The following IBTK variants were observed in gnomAD, a reference collection of about 807,000 sequenced individuals.
The protein encoded by IBTK is BTK-binding protein.
A neutral mutation model predicts 154.9 loss-of-function variants in IBTK; 83 were observed. That is an observed-to-expected ratio of 0.54 (90% CI 0.45 to 0.64). The LOEUF is 0.64. Among genes scored for constraint, IBTK ranks in the 30% least tolerant of loss-of-function variants. The probability of loss-of-function intolerance (pLI) is 0.00; values close to 1 mark genes in which losing one functional copy is unlikely to be tolerated. For synonymous variants in IBTK, 515 were observed against 536.1 expected, an observed-to-expected ratio of 0.96 and a Z score of 0.54; for missense variants, 1,332 against 1,584.6, an observed-to-expected ratio of 0.84 and a Z score of 2.71.
chr6:82,215,109 A>T (rs1182419915), intron 11 of IBTK, among the ~76,000 whole-genome samples: 1 of 152,088 alleles, frequency 6.6e-6, no homozygotes, highest in African/African-American at 2.4e-5. Context: ...GTACTGTGGG[A>T]ATGCAATTAC....
intron 1 of IBTK, among the ~76,000 whole-genome samples, chr6:82,244,433 T>C (rs1582267575): frequency 6.6e-6 from 1 of 152,206 alleles, no homozygotes; most frequent in African/African-American, 2.4e-5. Context: ...CTAAAAGAGA[T>C]CCAGGAAGGG....
intron 8 of IBTK, among the ~76,000 whole-genome samples, chr6:82,221,888 G>C (rs1198367025): frequency 6.6e-6 from 1 of 152,146 alleles, no homozygotes. Flanking sequence ...CTTTCTGCCA[G>C]GTGCAGTGGC....
intron 1 of IBTK, among the ~76,000 whole-genome samples, chr6:82,243,083 T>C (rs1159091784): frequency 6.6e-6 from 1 of 151,158 alleles, no homozygotes; most frequent in African/African-American, 2.4e-5. Context: ...CTACTAAAAA[T>C]ACAAAAAATT....
At position 82,223,554 on chromosome 6, in the gene IBTK, T is replaced by C. The variant is rs375960338; in HGVS notation, c.1010A>G (p.His337Arg). Reference sequence around the variant, plus strand: ...AACCAAAGACAGAGCAATGTCTTTATGGTGAAGGGCAGAGACCTGACGAGG... The same window carrying C: ...AACCAAAGACAGAGCAATGTCTTTACGGTGAAGGGCAGAGACCTGACGAGG... Reference protein sequence around the residue: ...TAPRQVSALHHKDIALSLVAA... With the variant: ...TAPRQVSALHRKDIALSLVAA... Residue 337 changes from histidine (H) to arginine (R), a missense_variant, in exon 8 of 29, where the codon CAT becomes CGT. By Grantham distance (29) the His-to-Arg change is conservative (BLOSUM62 0). This residue lies in a region of IBTK where 1,134 missense variants were observed against 1,274.7 expected (regional missense o/e 0.89). Coordinates refer to ENST00000306270, the MANE Select transcript of IBTK (RefSeq NM_015525.4). The C allele has an allele frequency of 3.0e-5, 49 of 1,613,888 alleles. No individual in the cohort carries two copies. The highest frequency in any genetic ancestry group is 4.0e-5 in the Non-Finnish European group (47 of 1,179,856).
intron 25 of IBTK, among the ~76,000 whole-genome samples, chr6:82,182,771 T>A (rs2127799614): frequency 6.6e-6 from 1 of 152,084 alleles, no homozygotes; most frequent in Middle Eastern, 3.4e-3. Flanking sequence ...CAACACAGAA[T>A]GAAAATGAGT....
chr6:82,180,140 A>C (rs1768265301), intron 26 of IBTK, among the ~76,000 whole-genome samples: 1 of 152,098 alleles, frequency 6.6e-6, no homozygotes, highest in African/African-American at 2.4e-5. Flanking sequence ...CTATGTACCT[A>C]GTTTTATATT....
At chr6:82,211,061 T>C in intron 15 of IBTK, 151 bp from the exon 16 acceptor site, 1 of 472,342 alleles carries the variant, frequency 2.1e-6, no homozygotes, top group Non-Finnish European at 3.7e-6. Flanking sequence ...GCTAAAATAA[T>C]ATTAAATTTA....
intron 5 of IBTK, among the ~76,000 whole-genome samples, chr6:82,226,400 G>C (rs1321621): frequency 0.24 from 36,247 of 151,902 alleles, 4,379 homozygotes; most frequent in African/African-American, 0.28. Context: ...TTAAAATAAC[G>C]TAGTGAACCA....
At chr6:82,216,616 G>A (rs762381499) in intron 10 of IBTK, among the ~76,000 whole-genome samples, 3 of 151,964 alleles carry the variant, frequency 2.0e-5, no homozygotes, top group Non-Finnish European at 4.4e-5. Context: ...TCTTCAACTT[G>A]GATTAAAAAT....
At position 82,212,904 on chromosome 6, in the gene IBTK, A is replaced by G. The variant is rs918254093; in HGVS notation, c.2205-111T>C. The G allele has an allele frequency of 5.9e-4, 380 of 639,300 alleles. 2 individuals are homozygous for G. The highest frequency in any genetic ancestry group is 4.7e-5 in the Non-Finnish European group (17 of 363,474). The allele number at this position is 639,300 out of a possible 1,614,324, so 39.6% of individuals were successfully genotyped here. On this transcript the variant is annotated intron_variant, in intron 12 of 28. Coordinates refer to ENST00000306270, the MANE Select transcript of IBTK (RefSeq NM_015525.4). ...CTAAATATAATACTGTATCCTAGAA[A>G]AGTATCTCAACAAACTCCTACTCTG...
rs148787745 is a variant in IBTK, at chr6:82,214,301, AT to A, written c.2129del (p.Asn710IlefsTer8). On this transcript the variant is annotated frameshift_variant, in exon 12 of 29. Coordinates refer to ENST00000306270, the MANE Select transcript of IBTK (RefSeq NM_015525.4). LOFTEE classifies it high-confidence loss of function. ...SKPKSCKKGK[N>X]IREDDPVRML... ...TTCTTACAGGATCATCTTCCCTAAT[AT>A]TTTTTCCTTTTTTACAAGATTTAGG... 6.2e-7 allele frequency: 1 copy of A among 1,613,588 alleles called. No homozygotes were observed. The highest frequency in any genetic ancestry group is 2.2e-5 in the East Asian group (1 of 44,874).
chr6:82,200,849 T>A (rs1225085849), intron 19 of IBTK, 141 bp from the exon 20 acceptor site: 10 of 866,862 alleles, frequency 1.2e-5, no homozygotes, highest in Non-Finnish European at 1.6e-5. Flanking sequence ...AAACCTCCCA[T>A]CTTGGCCTCC....
intron 1 of IBTK, among the ~76,000 whole-genome samples, chr6:82,244,780 G>A (rs558679002): frequency 6.6e-5 from 10 of 151,930 alleles, no homozygotes; most frequent in South Asian, 2.1e-4. Flanking sequence ...TAATACATAC[G>A]GAATGCTTTA....
Position 82,223,587 on chromosome 6 carries a change from A to T in IBTK, c.977T>A (p.Val326Glu), listed in dbSNP as rs892563616. 6.2e-7 allele frequency: 1 copy of T among 1,613,392 alleles called. No individual in the cohort carries two copies. ...CLLDPNGEKCVTAPRQVSALH... is the reference protein window; with the variant it reads ...CLLDPNGEKCETAPRQVSALH... ...GGCAGAGACCTGACGAGGAGCAGTT[A>T]CACACTTTTCTCCATTGGGATCTAG... Residue 326 changes from valine (V) to glutamate (E), a missense_variant, in exon 8 of 29, where the codon GTA (valine) becomes GAA (glutamate). This residue lies in a region of IBTK where 1,134 missense variants were observed against 1,274.7 expected (regional missense o/e 0.89). Coordinates refer to ENST00000306270, the MANE Select transcript of IBTK (RefSeq NM_015525.4).
intron 2 of IBTK, among the ~76,000 whole-genome samples, chr6:82,236,299 T>G (rs568763504): frequency 2.6e-5 from 4 of 152,340 alleles, no homozygotes; most frequent in African/African-American, 9.6e-5. Context: ...GATTACTGCC[T>G]GGCACATATC....
chr6:82,217,748 A>G (rs1400352762), intron 10 of IBTK, among the ~76,000 whole-genome samples: 1 of 152,200 alleles, frequency 6.6e-6, no homozygotes, highest in Non-Finnish European at 1.5e-5. Context: ...TGCGCCAGGA[A>G]ATATGCCAAA....
At chr6:82,216,910 C>T (rs1769896780) in intron 10 of IBTK, among the ~76,000 whole-genome samples, 1 of 152,022 alleles carries the variant, frequency 6.6e-6, no homozygotes, top group Non-Finnish European at 1.5e-5. Flanking sequence ...ATGAAATTTA[C>T]ATGAATGAAA....
intron 7 of IBTK, 21 bp downstream of exon 7, chr6:82,224,047 T>C (rs752399386): frequency 1.4e-5 from 17 of 1,244,390 alleles, no homozygotes; most frequent in Non-Finnish European, 1.9e-5. Flanking sequence ...TTTCCAGATA[T>C]TGTCATTAAG....
At chr6:82,233,184 G>C (rs1221317008) in intron 3 of IBTK, among the ~76,000 whole-genome samples, 2 of 149,944 alleles carry the variant, frequency 1.3e-5, no homozygotes, top group Admixed American at 6.6e-5. Flanking sequence ...AAAATTAATT[G>C]GGCATGGTGG....
Sources: allele counts gnomAD v4.1 joint callset (sites outside exome capture counted in the v4.1 genomes callset), GRCh38; gene constraint gnomAD v4.1.1; regional missense constraint gnomAD v4.1.1; transcripts MANE v1.5; gene names NCBI Gene and HGNC (gene_info 2026-07-23, HGNC 2026-07-21).